Variants in NUP210L observed in about 807,000 individuals in gnomAD.
NUP210L encodes the protein nuclear pore membrane glycoprotein 210-like.
In NUP210L, 74 loss-of-function variants were observed where a neutral mutation model predicts 208.5. The observed-to-expected ratio is 0.35, with a 90% CI of 0.29 to 0.43. The LOEUF (loss-of-function observed/expected upper bound fraction) is 0.43, where lower values mean the gene tolerates loss of function less well. Ranked by LOEUF, NUP210L falls within the 20% of genes least tolerant of loss-of-function variation. The probability of loss-of-function intolerance (pLI) is 1.00; values close to 1 mark genes in which losing one functional copy is unlikely to be tolerated. For missense variants in NUP210L, 1,843 were observed against 2,289.4 expected, an observed-to-expected ratio of 0.81 and a Z score of 3.98; for synonymous variants, 780 against 816.9, an observed-to-expected ratio of 0.95 and a Z score of 0.77.
chr1:154,059,782 G>T (rs1340158378), intron 20 of NUP210L, among the ~76,000 whole-genome samples: 5 of 151,932 alleles, frequency 3.3e-5, no homozygotes, highest in Non-Finnish European at 7.4e-5. Flanking sequence ...TATGACTAGG[G>T]TAAGTTAAAT....
chr1:154,144,072 C>T (rs1320723662), intron 2 of NUP210L, among the ~76,000 whole-genome samples: 1 of 151,958 alleles, frequency 6.6e-6, no homozygotes, highest in Non-Finnish European at 1.5e-5. Context: ...GTCCCAGCTA[C>T]TCGGAAGGTT....
At chr1:154,119,614 C>A (rs1338713881) in intron 10 of NUP210L, among the ~76,000 whole-genome samples, 1 of 151,770 alleles carries the variant, frequency 6.6e-6, no homozygotes, top group Non-Finnish European at 1.5e-5. Context: ...AAACAAAAAA[C>A]CAAATAAATA....
At chr1:154,138,125 C>A in exon 6 of NUP210L, 4 of 1,502,614 alleles carry the variant, frequency 2.7e-6, no homozygotes, top group Non-Finnish European at 3.5e-6. Flanking sequence ...TCCCTTGAAC[C>A]ATTTTTGCAA....
chr1:154,098,607 A>C (rs1188388706), intron 14 of NUP210L, among the ~76,000 whole-genome samples: 1 of 152,124 alleles, frequency 6.6e-6, no homozygotes, highest in Admixed American at 6.5e-5. Context: ...TCCTCTCTGC[A>C]GCTGGTTGCC....
chr1:154,135,993 A>G (rs370943724), intron 6 of NUP210L, 21 bp from the exon 7 acceptor site: 2 of 1,548,132 alleles, frequency 1.3e-6, no homozygotes, highest in Non-Finnish European at 1.8e-6. Flanking sequence ...TGAAAGATAC[A>G]TAAATGTAAT....
chr1:153,995,556 T>C, intron 37 of NUP210L: 1 of 692,574 alleles, frequency 1.4e-6, no homozygotes, highest in East Asian at 2.7e-5. Context: ...CAAAGGATGC[T>C]TTAAATCCTC....
intron 6 of NUP210L, among the ~76,000 whole-genome samples, chr1:154,137,604 A>G (rs1658613160): frequency 6.6e-6 from 1 of 151,738 alleles, no homozygotes; most frequent in South Asian, 2.1e-4. Flanking sequence ...AGTTCCAGCC[A>G]TTCAGGAGGC....
intron 37 of NUP210L, among the ~76,000 whole-genome samples, chr1:153,999,783 C>G (rs1650102508): frequency 7.2e-6 from 1 of 138,748 alleles, no homozygotes; most frequent in Admixed American, 7.2e-5. Flanking sequence ...AAATAGTATA[C>G]TTACAAAGCT....
intron 8 of NUP210L, among the ~76,000 whole-genome samples, chr1:154,128,347 G>A (rs552010986): frequency 2.8e-4 from 42 of 151,762 alleles, no homozygotes; most frequent in African/African-American, 8.5e-4. Flanking sequence ...TTAGCTGAAC[G>A]TGGTGGCTCG....
intron 38 of NUP210L, 44 bp downstream of exon 38, chr1:153,995,032 A>C: frequency 1.5e-5 from 17 of 1,114,018 alleles, no homozygotes; most frequent in Non-Finnish European, 2.0e-5. Flanking sequence ...AAAAAAAGGC[A>C]GTTTTCATGT....
At chr1:154,127,488 AC>A in intron 8 of NUP210L, 71 bp from the exon 9 acceptor site, 1 of 720,436 alleles carries the variant, frequency 1.4e-6, no homozygotes, top group Non-Finnish European at 2.3e-6. Context: ...TAAAAATACA[AC>A]CTTTATAAAG....
chr1:154,020,283 G>A (rs1393281663), intron 32 of NUP210L, among the ~76,000 whole-genome samples: 2 of 152,234 alleles, frequency 1.3e-5, no homozygotes, highest in East Asian at 3.8e-4. Flanking sequence ...ACACATCCAG[G>A]CAGTGTACAC....
chr1:154,135,460 C>T (rs112943925), intron 7 of NUP210L, among the ~76,000 whole-genome samples: 6,727 of 151,636 alleles, frequency 0.044, 492 homozygotes, highest in African/African-American at 0.15. Flanking sequence ...CTCGCTGTGC[C>T]GCCCAGGTTG....
intron 28 of NUP210L, 63 bp downstream of exon 28, chr1:154,029,833 G>GT: frequency 7.6e-7 from 1 of 1,312,980 alleles, no homozygotes; most frequent in African/African-American, 1.5e-5. Flanking sequence ...TTTGTTGATG[G>GT]TAAGAGAATA....
chr1:154,059,311 G>T (rs1300769132), intron 20 of NUP210L, among the ~76,000 whole-genome samples: 2 of 150,954 alleles, frequency 1.3e-5, no homozygotes, highest in Non-Finnish European at 2.9e-5. Context: ...CTTCAGCCTG[G>T]GAAACAGAGT....
In NUP210L at chr1:154,139,794, C is replaced by G; in HGVS notation, c.717+8G>C. 2 of 1,601,776 alleles carry G rather than the reference C, an allele frequency of 1.2e-6. No individual in the cohort carries two copies. Among genetic ancestry groups the G allele is most frequent in the Non-Finnish European group, 1.7e-6 (2 of 1,173,516 alleles). On this transcript the variant is annotated splice_region_variant and intron_variant, in intron 5 of 39. Coordinates refer to ENST00000368559, the Ensembl canonical transcript of NUP210L. ...GTAAGGAAAATTTATAGCACACAAA[C>G]TTTTTACCTTATAGAATGGTTCATG...
chr1:154,040,938 G>T (rs1366292686), intron 27 of NUP210L, among the ~76,000 whole-genome samples: 1 of 151,672 alleles, frequency 6.6e-6, no homozygotes, highest in Non-Finnish European at 1.5e-5. Flanking sequence ...TATGAAAGAA[G>T]AATGGAAATG....
chr1:154,096,868 C>A (rs1656204769), intron 14 of NUP210L, among the ~76,000 whole-genome samples: 1 of 151,334 alleles, frequency 6.6e-6, no homozygotes, highest in South Asian at 2.1e-4. Flanking sequence ...ATCCCTTGAG[C>A]CCAGGAATTT....
chr1:154,082,384 T>C (rs1232273397), intron 16 of NUP210L, among the ~76,000 whole-genome samples: 1 of 152,126 alleles, frequency 6.6e-6, no homozygotes, highest in Non-Finnish European at 1.5e-5. Context: ...CAATTGTAAA[T>C]GCGTATGTAC....
Sources: allele counts gnomAD v4.1 joint callset (sites outside exome capture counted in the v4.1 genomes callset), GRCh38; gene constraint gnomAD v4.1.1; transcripts MANE v1.5; gene names NCBI Gene and HGNC (gene_info 2026-07-23, HGNC 2026-07-21).